KANK1: variants seen among roughly 807,000 people sequenced by gnomAD.
KANK1 encodes KN motif and ankyrin repeat domains 1, also known as KN motif and ankyrin repeat domain-containing protein 1.
KANK1 carries 109 observed loss-of-function variants against 106.2 expected under a neutral mutation model. The observed-to-expected ratio is 1.03, with a 90% confidence interval of 0.88 to 1.20. The LOEUF is 1.20. Among genes scored for constraint, KANK1 ranks in the 50% most tolerant of loss-of-function variants. The pLI is 0.00. For missense variants in KANK1, 2,399 were observed against 1,710.7 expected, an observed-to-expected ratio of 1.40 and a Z score of -7.10; for synonymous variants, 873 against 652.2, an observed-to-expected ratio of 1.34 and a Z score of -5.16.
intron 1 of KANK1, among the ~76,000 whole-genome samples, chr9:508,121 CTTTTTTTTTTTTTTT>C (rs71314711): frequency 3.3e-4 from 13 of 39,186 alleles, no homozygotes; most frequent in South Asian, 1.6e-3. Context: ...CCTGCTCAGC[CTTTTTTTTTTTTTTT>C]TTTTTTTTTT....
chr9:732,283 T>C (rs1272982650), intron 5 of KANK1, 95 bp from the exon 6 acceptor site: 2 of 1,436,026 alleles, frequency 1.4e-6, no homozygotes, highest in Non-Finnish European at 1.9e-6. Flanking sequence ...TAGTGAAATT[T>C]CTGGAGTCAA....
chr9:620,183 A>C (rs1017810211), intron 1 of KANK1, among the ~76,000 whole-genome samples: 3 of 151,958 alleles, frequency 2.0e-5, no homozygotes, highest in African/African-American at 7.3e-5. Flanking sequence ...TTTCAGGTCT[A>C]GGCAGGCAAG....
At chr9:600,015 A>G (rs1360491755) in intron 1 of KANK1, among the ~76,000 whole-genome samples, 1 of 151,850 alleles carries the variant, frequency 6.6e-6, no homozygotes, top group Non-Finnish European at 1.5e-5. Context: ...CTGAGGCAAA[A>G]AAAATTACCT....
At chr9:475,846 A>ATTAT (rs200520470) in intron 3 of KANK1, among the ~76,000 whole-genome samples, 13 of 151,844 alleles carry the variant, frequency 8.6e-5, no homozygotes, top group East Asian at 3.9e-4. Context: ...CCTTTTTAAA[A>ATTAT]TTATTTATTT....
intron 1 of KANK1, among the ~76,000 whole-genome samples, chr9:664,691 CAGT>C (rs1350052318): frequency 6.6e-6 from 1 of 152,152 alleles, no homozygotes; most frequent in African/African-American, 2.4e-5. Flanking sequence ...GAGAAATACT[CAGT>C]AGTGGAATTG....
chr9:561,933 A>G (rs1001723171), intron 1 of KANK1, among the ~76,000 whole-genome samples: 8 of 152,186 alleles, frequency 5.3e-5, no homozygotes, highest in Admixed American at 6.5e-5. Context: ...CAACAACGCA[A>G]TGCTGTTAGG....
Position 710,927 on chromosome 9 carries a change from A to G in KANK1, c.161A>G (p.Lys54Arg), listed in dbSNP as rs1409770856. Residue 54 changes from lysine to arginine, a missense_variant, in exon 3 of 12, where the codon AAG (lysine) becomes AGG (arginine). Coordinates refer to ENST00000382297, the MANE Select transcript of KANK1 (RefSeq NM_015158.5). ...CTCAAATATGTGGATGACATACAGA[A>G]GGGAAATACCATCAAAAGACTGAAC... Reference protein sequence around the residue: ...DFLKYVDDIQKGNTIKRLNIQ... With the variant: ...DFLKYVDDIQRGNTIKRLNIQ... 1.2e-6 allele frequency: 2 copies of G among 1,614,198 alleles called. No individual in the cohort carries two copies. The highest frequency in any genetic ancestry group is 1.7e-6 in the Non-Finnish European group (2 of 1,180,028).
At chr9:548,851 G>A (rs1010950630) in intron 1 of KANK1, among the ~76,000 whole-genome samples, 7 of 152,114 alleles carry the variant, frequency 4.6e-5, no homozygotes, top group Non-Finnish European at 8.8e-5. Flanking sequence ...GGCTGAGATG[G>A]GAGGATTGCT....
At chr9:667,988 C>G (rs532795998) in intron 1 of KANK1, among the ~76,000 whole-genome samples, 18 of 152,286 alleles carry the variant, frequency 1.2e-4, no homozygotes, top group African/African-American at 4.1e-4. Flanking sequence ...ACCTCAGCCT[C>G]CCAAAGTACT....
intron 1 of KANK1, among the ~76,000 whole-genome samples, chr9:657,052 C>T (rs1842305309): frequency 1.3e-5 from 2 of 152,130 alleles, no homozygotes; most frequent in African/African-American, 2.4e-5. Context: ...CCCCCTGTGC[C>T]AGCCGCTGGC....
chr9:652,470 C>T (rs1427446388), intron 1 of KANK1, among the ~76,000 whole-genome samples: 1 of 152,152 alleles, frequency 6.6e-6, no homozygotes, highest in Non-Finnish European at 1.5e-5. Flanking sequence ...TTGCAGTGAG[C>T]CGAGATCGTG....
At chr9:737,660 G>A (rs780628382) in intron 7 of KANK1, among the ~76,000 whole-genome samples, 1 of 152,144 alleles carries the variant, frequency 6.6e-6, no homozygotes, top group South Asian at 2.1e-4. Flanking sequence ...TTCCCTTTCC[G>A]TGGTTGAACA....
chr9:481,761 T>G (rs1471596723), intron 3 of KANK1, among the ~76,000 whole-genome samples: 1 of 152,072 alleles, frequency 6.6e-6, no homozygotes, highest in East Asian at 1.9e-4. Flanking sequence ...GGAGCATCGT[T>G]TGAGCCCAGG....
chr9:579,629 C>A (rs753587551), intron 1 of KANK1, among the ~76,000 whole-genome samples: 19 of 152,098 alleles, frequency 1.2e-4, no homozygotes, highest in Non-Finnish European at 2.2e-4. Flanking sequence ...TTATGTGGTC[C>A]AGTGAGCCAT....
At chr9:536,332 ACTGT>A (rs938058901) in intron 1 of KANK1, among the ~76,000 whole-genome samples, 50 of 152,246 alleles carry the variant, frequency 3.3e-4, no homozygotes, top group African/African-American at 1.1e-3. Context: ...ACAGAGCGAG[ACTGT>A]CTGAGAAAAA....
intron 1 of KANK1, among the ~76,000 whole-genome samples, chr9:533,907 C>T (rs1031665482): frequency 1.3e-5 from 2 of 152,220 alleles, no homozygotes; most frequent in African/African-American, 2.4e-5. Flanking sequence ...AACCACCAGG[C>T]ACATTATCTT....
chr9:549,755 T>C (rs962557588), intron 1 of KANK1: 1 of 152,310 alleles, frequency 6.6e-6, no homozygotes, highest in African/African-American at 2.4e-5. Flanking sequence ...ACATAGGAAC[T>C]ATGAAGCGGG....
chr9:717,586 A>G (rs775391179), intron 3 of KANK1, among the ~76,000 whole-genome samples: 18 of 152,294 alleles, frequency 1.2e-4, no homozygotes, highest in Non-Finnish European at 2.2e-4. Flanking sequence ...GTATTTTTTA[A>G]TTCCTGATAG....
At chr9:673,133 A>G (rs982211150) in intron 1 of KANK1, among the ~76,000 whole-genome samples, 3 of 152,022 alleles carry the variant, frequency 2.0e-5, no homozygotes, top group African/African-American at 4.8e-5. Flanking sequence ...AGAAAAATCA[A>G]TACACAATAT....
Sources: gnomAD v4.1 joint callset for allele counts (sites outside exome capture counted in the v4.1 genomes callset) on GRCh38, gnomAD v4.1.1 for gene constraint, MANE v1.5 for transcripts, NCBI Gene and HGNC (gene_info 2026-07-23, HGNC 2026-07-21) for gene names.